Variants in SLC6A6 observed in about 807,000 individuals in gnomAD.
SLC6A6 encodes solute carrier family 6 member 6, also known as sodium- and chloride-dependent taurine transporter.
In SLC6A6, 16 loss-of-function variants were observed where a neutral mutation model predicts 68.8. That is an observed-to-expected ratio of 0.23 (90% CI 0.16 to 0.35). SLC6A6 has a LOEUF of 0.35. SLC6A6 is among the 10% of genes least tolerant of loss of function. The pLI, the probability that SLC6A6 is intolerant of heterozygous loss-of-function variation, is 1.00. For missense variants in SLC6A6, 474 were observed against 802.8 expected (o/e 0.59, Z 4.95); for synonymous variants, 312 against 315.4 (o/e 0.99, Z 0.12).
In SLC6A6 at chr3:14,468,145, A is replaced by C. The variant is rs778165720; in HGVS notation, c.1029A>C (p.Ala343=). The C allele has an allele frequency of 9.3e-6, 15 of 1,613,898 alleles. No individual in the cohort carries two copies. The African/African-American group carries it at 1.7e-4, about 19-fold the overall frequency. The change falls in exon 9 of 15, where the codon GCA becomes GCC. Residue 343 remains alanine (A), a synonymous_variant. Transcript: ENST00000622186. This position sits in a 1 kb window ranked among gnomAD's most constrained non-coding sequence, Gnocchi z 4.5. ...GTACCAGTTTTGTGTCTGGCTTCGC[A>C]ATTTTTTCCATCCTGGGCTTCATGG... ...NSGTSFVSGF[A]IFSILGFMAQ...
chr3:14,417,817 C>T (rs780654402), intron 2 of SLC6A6, among the ~76,000 whole-genome samples: 3 of 151,534 alleles, frequency 2.0e-5, no homozygotes, highest in Non-Finnish European at 2.9e-5. Context: ...TTAACATTGA[C>T]GTGATTCTGT....
rs1701001434 is a variant in SLC6A6 at position 14,481,299 on chromosome 3, C to G, written c.1552-372C>G. ...CAGAGGAAACAGCCCATGCCAAGAC[C>G]CAGAGTTCAGTGACAGAGGAGCTAG... is the stretch of plus-strand genomic sequence containing the variant. On this transcript the variant is annotated intron_variant, in intron 13 of 14. Coordinates refer to ENST00000622186, the MANE Select transcript of SLC6A6 (RefSeq NM_003043.6). The surrounding 1 kb of genome is among the most constrained non-coding windows in gnomAD (Gnocchi z 4.7). 6.6e-6 allele frequency among the ~76,000 whole-genome samples: 1 copy of G among 151,938 alleles called. No individual in the cohort carries two copies. The highest frequency in any genetic ancestry group is 1.5e-5 in the Non-Finnish European group (1 of 67,996).
intron 14 of SLC6A6, among the ~76,000 whole-genome samples, chr3:14,483,234 C>T (rs1288007873): frequency 1.3e-5 from 2 of 152,204 alleles, no homozygotes; most frequent in Non-Finnish European, 2.9e-5. Flanking sequence ...CTTCACCCCA[C>T]ACTGGTACCC....
At position 14,486,828 on chromosome 3, in the gene SLC6A6, CTT is replaced by C. The variant is rs1701180340; in HGVS notation, c.*1823_*1824del. The stretch of plus-strand genomic sequence containing the variant: ...CCCAAGGGGCAATTCTGAACCCCAT[CTT>C]TGGCAGGCATACATATTTCACTGTT... On this transcript the variant is annotated 3_prime_UTR_variant, in exon 15 of 15. Coordinates refer to ENST00000622186, the MANE Select transcript of SLC6A6 (RefSeq NM_003043.6). 1 of 152,218 alleles carries C rather than the reference CTT, an allele frequency of 6.6e-6. No individual in the cohort carries two copies. Among genetic ancestry groups the C allele is most frequent in the Non-Finnish European group, 1.5e-5 (1 of 68,028 alleles). 9.4% of individuals were successfully genotyped at this position (152,218 alleles called of 1,614,324 possible).
intron 6 of SLC6A6, among the ~76,000 whole-genome samples, chr3:14,466,116 G>A (rs892529652): frequency 6.6e-6 from 1 of 152,028 alleles, no homozygotes; most frequent in African/African-American, 2.4e-5. Context: ...ACAAGAATTA[G>A]CTGGGCATGG....
At chr3:14,456,329 T>C (rs893731838) in intron 5 of SLC6A6, among the ~76,000 whole-genome samples, 1 of 152,254 alleles carries the variant, frequency 6.6e-6, no homozygotes, top group Non-Finnish European at 1.5e-5. Context: ...TTATGGCTGT[T>C]AGTGGGAGTA....
At chr3:14,418,909 G>A (rs1415313514) in intron 2 of SLC6A6, among the ~76,000 whole-genome samples, 1 of 152,192 alleles carries the variant, frequency 6.6e-6, no homozygotes, top group African/African-American at 2.4e-5. Context: ...CACTTCCTCA[G>A]GCTGGGAACG....
chr3:14,446,957 A>G (rs1206986608), intron 4 of SLC6A6, among the ~76,000 whole-genome samples: 1 of 152,180 alleles, frequency 6.6e-6, no homozygotes, highest in African/African-American at 2.4e-5. Context: ...CCTTTCTTCC[A>G]TTAAACCACT....
chr3:14,480,634 C>T (rs1343417357), intron 13 of SLC6A6, among the ~76,000 whole-genome samples: 3 of 152,210 alleles, frequency 2.0e-5, no homozygotes, highest in Non-Finnish European at 4.4e-5. Context: ...CTCCCTTGCC[C>T]ATCACCGACT....
chr3:14,422,651 C>T (rs906087944), intron 2 of SLC6A6, among the ~76,000 whole-genome samples: 1 of 152,178 alleles, frequency 6.6e-6, no homozygotes, highest in Non-Finnish European at 1.5e-5. Flanking sequence ...CCCCACCCTC[C>T]TCCCAGCCAG....
chr3:14,479,036 GC>G (rs1270667794), intron 12 of SLC6A6, 48 bp from the exon 13 acceptor site: 1 of 1,226,850 alleles, frequency 8.2e-7, no homozygotes, highest in Non-Finnish European at 1.2e-6. Flanking sequence ...CTGAGCTGCT[GC>G]TGGCCTTGAA....
At position 14,487,393 on chromosome 3, in the gene SLC6A6, T is replaced by C. The variant is rs574987506; in HGVS notation, c.*2386T>C. On this transcript the variant is annotated 3_prime_UTR_variant, in exon 15 of 15. Coordinates refer to ENST00000622186, the MANE Select transcript of SLC6A6 (RefSeq NM_003043.6). ...CAGCCCTGGCTCTGTGTGCAGAGCA[T>C]AGCTCTGCGAGTACCTGTGTAATAA... 1 of 152,682 alleles carries C rather than the reference T, an allele frequency of 6.5e-6. No individual in the cohort carries two copies. The highest frequency in any genetic ancestry group is 2.4e-5 in the African/African-American group (1 of 41,554). 9.5% of individuals were successfully genotyped at this position (152,682 alleles called of 1,614,324 possible).
chr3:14,459,479 C>T (rs1574950917), intron 6 of SLC6A6, among the ~76,000 whole-genome samples: 1 of 152,196 alleles, frequency 6.6e-6, no homozygotes, highest in South Asian at 2.1e-4. Context: ...ACACACAGTG[C>T]CCTCTGCTTG....
At chr3:14,421,997 G>A (rs1392118859) in intron 2 of SLC6A6, among the ~76,000 whole-genome samples, 1 of 152,166 alleles carries the variant, frequency 6.6e-6, no homozygotes, top group African/African-American at 2.4e-5. Context: ...GATTTCTTAA[G>A]GGAGGGGGCT....
Position 14,473,131 on chromosome 3 carries a change from G to C in SLC6A6, c.1209+814G>C, listed in dbSNP as rs552001956. On this transcript the variant is annotated intron_variant, in intron 10 of 14. Coordinates refer to ENST00000622186, the MANE Select transcript of SLC6A6 (RefSeq NM_003043.6). ...CTGTAGAGTAGCCAGTGCCTAGTGT[G>C]GGGTAGTCAGCAGTGCTCGGAGGAC... 9.7e-4 allele frequency among the ~76,000 whole-genome samples: 148 copies of C among 152,354 alleles called. 2 individuals carry two copies. Among genetic ancestry groups the C allele is most frequent in the South Asian group, 8.1e-3 (39 of 4,830 alleles).
intron 6 of SLC6A6, among the ~76,000 whole-genome samples, chr3:14,464,902 T>C (rs995736714): frequency 2.0e-5 from 3 of 152,226 alleles, no homozygotes; most frequent in African/African-American, 7.2e-5. Flanking sequence ...ACTTTCTGCA[T>C]GTCGAAGTAA....
rs1209958569 is a variant in SLC6A6 at position 14,445,425 on chromosome 3, GA to G, written c.230-280del. Among the ~76,000 whole-genome samples, 326 of 103,224 alleles carry G rather than the reference GA, an allele frequency of 3.2e-3. 1 individual carries two copies. Among genetic ancestry groups the G allele is most frequent in the African/African-American group, 8.4e-3 (231 of 27,630 alleles). 67.7% of individuals were successfully genotyped at this position (103,224 alleles called of 152,430 possible). On this transcript the variant is annotated intron_variant, in intron 3 of 14. Coordinates refer to ENST00000622186, the MANE Select transcript of SLC6A6 (RefSeq NM_003043.6). ...GACAGAGCAAGACTCCACCTCAAAAGAAAAAAAAAAAAGAAAAAAAGAAAGA... is the reference window on the plus strand; with the variant it reads ...GACAGAGCAAGACTCCACCTCAAAAGAAAAAAAAAAAGAAAAAAAGAAAGA...
At chr3:14,449,268 G>T (rs1377856273) in intron 5 of SLC6A6, among the ~76,000 whole-genome samples, 1 of 152,250 alleles carries the variant, frequency 6.6e-6, no homozygotes, top group Non-Finnish European at 1.5e-5. Context: ...CAGGTCCTTA[G>T]GCCCACTGTC....
intron 6 of SLC6A6, among the ~76,000 whole-genome samples, chr3:14,461,370 C>T (rs1447697955): frequency 6.6e-6 from 1 of 152,220 alleles, no homozygotes; most frequent in African/African-American, 2.4e-5. Flanking sequence ...ACCCAGGCGG[C>T]CCCACTCCCG....
Sources: allele counts gnomAD v4.1 joint callset (sites outside exome capture counted in the v4.1 genomes callset), GRCh38; gene constraint gnomAD v4.1.1; non-coding constraint Gnocchi (gnomAD v3.1); transcripts MANE v1.5; gene names NCBI Gene and HGNC (gene_info 2026-07-23, HGNC 2026-07-21).